ZFP2: variants seen among roughly 807,000 people sequenced by gnomAD.
ZFP2 encodes the protein ZFP2 zinc finger protein.
A neutral mutation model predicts 36.1 loss-of-function variants in ZFP2; 33 were observed. The observed-to-expected ratio is 0.92, with a 90% CI of 0.69 to 1.22. The LOEUF (loss-of-function observed/expected upper bound fraction) is 1.22. Ranked by LOEUF, ZFP2 falls within the 50% of genes most tolerant of loss-of-function variation. ZFP2 has a pLI of 0.00. For missense variants in ZFP2, 522 were observed against 551.4 expected (o/e 0.95, Z 0.53); for synonymous variants, 170 against 178.0 (o/e 0.96, Z 0.36).
At chr5:178,901,793 G>GT (rs1217302456) in intron 1 of ZFP2, among the ~76,000 whole-genome samples, 24 of 107,574 alleles carry the variant, frequency 2.2e-4, no homozygotes, top group East Asian at 5.2e-4. Flanking sequence ...TGGTTTTTTG[G>GT]TTTGTTTTTT....
intron 4 of ZFP2, among the ~76,000 whole-genome samples, chr5:178,925,819 G>C (rs10036425): frequency 0.23 from 34,852 of 148,474 alleles, 6,457 homozygotes; most frequent in Non-Finnish European, 0.27. Flanking sequence ...TCTTCTCCCA[G>C]TAGGTAGTTT....
rs1360239823 is a variant in ZFP2, at chr5:178,932,555, G to A, written c.1242G>A (p.Gln414=). ...HTGEKPYECD[Q]CGKAFIKNSS... is the part of the protein sequence containing the mutation. ...GTGAGAAACCCTATGAATGTGATCA[G>A]TGTGGAAAAGCCTTCATTAAGAATT... Residue 414 remains glutamine (Q), a synonymous_variant, in exon 5 of 5, where the codon CAG becomes CAA. Coordinates refer to ENST00000361362, the MANE Select transcript of ZFP2 (RefSeq NM_030613.4). The A allele has an allele frequency of 6.2e-7, 1 of 1,613,988 alleles. No individual in the cohort carries two copies. The highest frequency in any genetic ancestry group is 1.7e-5 in the Admixed American group (1 of 60,000).
At chr5:178,914,554 A>G (rs750582487) in intron 3 of ZFP2, among the ~76,000 whole-genome samples, 6 of 152,008 alleles carry the variant, frequency 3.9e-5, no homozygotes, top group East Asian at 3.9e-4. Flanking sequence ...ACAAATATCT[A>G]TTGAGTACTA....
chr5:178,899,855 A>T (rs1758019366), intron 1 of ZFP2, among the ~76,000 whole-genome samples: 1 of 152,072 alleles, frequency 6.6e-6, no homozygotes, highest in Non-Finnish European at 1.5e-5. Context: ...TCTTCTCATA[A>T]AAGTATGTAT....
At chr5:178,914,114 C>T (rs1758367812) in intron 3 of ZFP2, 1 of 152,134 alleles carries the variant, frequency 6.6e-6, no homozygotes, top group South Asian at 2.1e-4. Context: ...CCTTGGCCTC[C>T]CAAAGTGCTG....
At chr5:178,922,038 G>T (rs528538752) in intron 4 of ZFP2, 1 of 745,614 alleles carries the variant, frequency 1.3e-6, no homozygotes, top group East Asian at 2.4e-5. Context: ...AGGCAGGAGA[G>T]TCAGCTAGCC....
intron 1 of ZFP2, chr5:178,909,906 G>T: frequency 2.0e-6 from 3 of 1,525,074 alleles, no homozygotes; most frequent in Non-Finnish European, 2.7e-6. Context: ...AGAGTCCCGG[G>T]AGATGCCCTT....
At chr5:178,925,418 C>T (rs1396253477) in intron 4 of ZFP2, among the ~76,000 whole-genome samples, 1 of 149,132 alleles carries the variant, frequency 6.7e-6, no homozygotes, top group African/African-American at 2.4e-5. Flanking sequence ...AGTGCATGCA[C>T]CTAGTGGTAG....
At chr5:178,902,516 A>G (rs774553663) in intron 1 of ZFP2, among the ~76,000 whole-genome samples, 2 of 152,304 alleles carry the variant, frequency 1.3e-5, no homozygotes, top group Middle Eastern at 3.4e-3. Flanking sequence ...TTGATCTTCA[A>G]TGACTTGGAT....
At chr5:178,928,882 G>A (rs1581843677) in intron 4 of ZFP2, among the ~76,000 whole-genome samples, 1 of 152,210 alleles carries the variant, frequency 6.6e-6, no homozygotes, top group African/African-American at 2.4e-5. Flanking sequence ...GCTTCTACCT[G>A]GACACCTAGG....
intron 3 of ZFP2, among the ~76,000 whole-genome samples, chr5:178,914,664 G>T (rs1437798623): frequency 6.6e-6 from 1 of 152,042 alleles, no homozygotes; most frequent in Non-Finnish European, 1.5e-5. Flanking sequence ...GGGAGGGGGG[G>T]ACAGAAGGGA....
chr5:178,931,871 T>C lies in ZFP2; in HGVS notation c.558T>C (p.Tyr186=), dbSNP rs377455147. 64 of 1,612,706 alleles carry C rather than the reference T, an allele frequency of 4.0e-5. No homozygotes were observed. The highest frequency in any genetic ancestry group is 5.2e-5 in the Non-Finnish European group (61 of 1,179,020). The part of the protein sequence containing the change: ...HQRTHTGEKP[Y]QCKECGKAFH... Reference sequence around the variant, plus strand: ...GAACTCACACCGGAGAGAAACCCTATCAGTGTAAAGAGTGTGGCAAAGCCT... The same window carrying C: ...GAACTCACACCGGAGAGAAACCCTACCAGTGTAAAGAGTGTGGCAAAGCCT... Residue 186 remains tyrosine (Y), a synonymous_variant, in exon 5 of 5, where the codon TAT becomes TAC. Coordinates refer to ENST00000361362, the MANE Select transcript of ZFP2 (RefSeq NM_030613.4).
chr5:178,922,847 T>C lies in ZFP2; in HGVS notation c.-78+6137T>C, dbSNP rs1758587836. On this transcript the variant is annotated intron_variant, in intron 4 of 4. Transcript: ENST00000361362. ...ATGTAGTTACAACATGATGTGATTG[T>C]AGCTTTTTAAACTATGAAACCCCTG... The C allele has an allele frequency of 8.8e-6, 9 of 1,024,718 alleles. 2 individuals carry two copies. The highest frequency in any genetic ancestry group is 1.1e-5 in the Non-Finnish European group (8 of 729,692). The allele number at this position is 1,024,718 out of a possible 1,614,324, so 63.5% of individuals were successfully genotyped here.
chr5:178,928,825 C>T (rs1368017374), intron 4 of ZFP2, among the ~76,000 whole-genome samples: 1 of 152,246 alleles, frequency 6.6e-6, no homozygotes, highest in Non-Finnish European at 1.5e-5. Flanking sequence ...TTCTCCTCTG[C>T]ACTGCCCTAG....
chr5:178,928,061 C>G (rs529889916), intron 4 of ZFP2, among the ~76,000 whole-genome samples: 3 of 151,806 alleles, frequency 2.0e-5, no homozygotes, highest in Non-Finnish European at 4.4e-5. Flanking sequence ...TGAGAACTCA[C>G]TCATGATAGG....
chr5:178,927,666 TGTGTGTGTGTGTGTGTG>T (rs1758710893), intron 4 of ZFP2, among the ~76,000 whole-genome samples: 1 of 106,080 alleles, frequency 9.4e-6, no homozygotes, highest in East Asian at 2.8e-4. Flanking sequence ...CTGGCCAATG[TGTGTGTGTGTGTGTGTG>T]TGTGTGTGTG....
intron 1 of ZFP2, among the ~76,000 whole-genome samples, chr5:178,898,084 G>C (rs1757978521): frequency 6.6e-6 from 1 of 152,102 alleles, no homozygotes; most frequent in South Asian, 2.1e-4. Context: ...TACCTCCCCG[G>C]TTCAAGTGAT....
chr5:178,902,289 GTGTGTGCTTTCTAT>G (rs1216137581), intron 1 of ZFP2, among the ~76,000 whole-genome samples: 1 of 152,066 alleles, frequency 6.6e-6, no homozygotes, highest in Non-Finnish European at 1.5e-5. Flanking sequence ...CTAAGTGTCC[GTGTGTGCTTTCTAT>G]TATCATACCT....
intron 3 of ZFP2, among the ~76,000 whole-genome samples, chr5:178,915,306 C>G (rs1392971626): frequency 2.7e-5 from 4 of 148,186 alleles, no homozygotes; most frequent in Non-Finnish European, 5.9e-5. Context: ...GGGTTAGAAC[C>G]TAAAGGTTTT....
Sources: gnomAD v4.1 joint callset for allele counts (sites outside exome capture counted in the v4.1 genomes callset) on GRCh38, gnomAD v4.1.1 for gene constraint, MANE v1.5 for transcripts, NCBI Gene and HGNC (gene_info 2026-07-23, HGNC 2026-07-21) for gene names.